The following CAST variants were observed in gnomAD, a reference collection of about 807,000 sequenced individuals.
The protein encoded by CAST is calpastatin, also known as MIR583 host.
A neutral mutation model predicts 119.6 loss-of-function variants in CAST; 76 were observed. The observed-to-expected ratio is 0.64, with a 90% confidence interval of 0.53 to 0.77. CAST has a LOEUF of 0.77. Among genes scored for constraint, CAST ranks in the 30% least tolerant of loss-of-function variants. The probability of loss-of-function intolerance (pLI) is 0.00; values close to 1 mark genes in which losing one functional copy is unlikely to be tolerated. For synonymous variants in CAST, 319 were observed against 331.6 expected (o/e 0.96, Z 0.41); for missense variants, 953 against 946.5 (o/e 1.01, Z -0.09).
chr5:96,119,229 A>G, the CAST span, among the ~76,000 whole-genome samples: 1 of 152,214 alleles, frequency 6.6e-6, no homozygotes, highest in Non-Finnish European at 1.5e-5. Flanking sequence ...AATGGAGACC[A>G]GAGAGGTCAC....
chr5:96,300,832 G>A, the CAST span, among the ~76,000 whole-genome samples: 27 of 102,754 alleles, frequency 2.6e-4, no homozygotes, highest in African/African-American at 1.0e-3. Flanking sequence ...TTATTCCTAA[G>A]CATTTTTTTT....
chr5:96,425,746 C>A, the CAST span: 6 of 802,860 alleles, frequency 7.5e-6, no homozygotes, highest in Admixed American at 2.0e-5. Flanking sequence ...AAAAAAAATC[C>A]ATGTTGCAAA....
the CAST span, among the ~76,000 whole-genome samples, chr5:96,471,739 A>G: frequency 1.4e-5 from 2 of 144,434 alleles, no homozygotes; most frequent in African/African-American, 2.8e-5. Flanking sequence ...TTTAATTATT[A>G]AGAAGTTATT....
At chr5:96,207,788 T>A in the CAST span, among the ~76,000 whole-genome samples, 1 of 152,124 alleles carries the variant, frequency 6.6e-6, no homozygotes, top group African/African-American at 2.4e-5. Flanking sequence ...CAGGTTTTGG[T>A]ATCAGGATAA....
At chr5:96,562,620 T>C (rs1746401670) in intron 1 of CAST, among the ~76,000 whole-genome samples, 1 of 152,232 alleles carries the variant, frequency 6.6e-6, no homozygotes, top group Non-Finnish European at 1.5e-5. Flanking sequence ...ACTCAGCACT[T>C]GCACATCTAT....
At chr5:96,663,097 G>C in intron 1 of CAST, 1 of 702,330 alleles carries the variant, frequency 1.4e-6, no homozygotes, top group African/African-American at 1.7e-5. Flanking sequence ...GCCCTCGCCG[G>C]CTCCCCCGCC....
intron 1 of CAST, among the ~76,000 whole-genome samples, chr5:96,568,339 C>G (rs1297107684): frequency 1.3e-5 from 2 of 152,006 alleles, no homozygotes; most frequent in Admixed American, 1.3e-4. Flanking sequence ...CCGAAGCAGG[C>G]AGATCACTTG....
the CAST span, among the ~76,000 whole-genome samples, chr5:96,337,098 A>C: frequency 1.3e-5 from 2 of 152,218 alleles, no homozygotes; most frequent in Non-Finnish European, 2.9e-5. Context: ...AAATGGATGA[A>C]TTTAACCCTG....
chr5:96,076,927 A>G, the CAST span, among the ~76,000 whole-genome samples: 1 of 151,510 alleles, frequency 6.6e-6, no homozygotes, highest in East Asian at 1.9e-4. Flanking sequence ...TTTGCATAAT[A>G]GTTTCTAATT....
the CAST span, among the ~76,000 whole-genome samples, chr5:96,041,404 A>G: frequency 6.6e-6 from 1 of 152,142 alleles, no homozygotes; most frequent in Non-Finnish European, 1.5e-5. Flanking sequence ...CAAGGTTATT[A>G]AAAACAAAGA....
the CAST span, among the ~76,000 whole-genome samples, chr5:96,064,475 A>ATAGGTTCAACAGCTATCTGTTG: frequency 6.6e-5 from 10 of 151,970 alleles, no homozygotes; most frequent in African/African-American, 2.4e-4. Flanking sequence ...AAAAGTATGT[A>ATAGGTTCAACAGCTATCTGTTG]ATTGCAGCCC....
intron 29 of CAST, 65 bp from the exon 30 acceptor site, chr5:96,770,466 C>T: frequency 1.0e-6 from 1 of 956,112 alleles, no homozygotes; most frequent in Non-Finnish European, 1.7e-6. Flanking sequence ...AATTTAACTG[C>T]AGCCTAGTTA....
the CAST span, among the ~76,000 whole-genome samples, chr5:95,977,671 T>C: frequency 2.6e-5 from 4 of 152,254 alleles, no homozygotes; most frequent in East Asian, 7.7e-4. Context: ...TTTTTTAAGT[T>C]CAGGGGTACA....
At chr5:96,666,041 T>C (rs1749293358) in intron 1 of CAST, among the ~76,000 whole-genome samples, 1 of 152,208 alleles carries the variant, frequency 6.6e-6, no homozygotes. Flanking sequence ...TTAAAATATC[T>C]TTGTGGAATC....
intron 1 of CAST, among the ~76,000 whole-genome samples, chr5:96,585,835 C>G (rs910330582): frequency 6.6e-6 from 1 of 152,156 alleles, no homozygotes; most frequent in Admixed American, 6.5e-5. Flanking sequence ...GATATAGAGA[C>G]GTGCAGGACA....
intron 1 of CAST, among the ~76,000 whole-genome samples, chr5:96,561,796 G>GTTTTTGTTTTTTTTTT (rs1746370693): frequency 3.7e-4 from 36 of 97,394 alleles, no homozygotes; most frequent in African/African-American, 1.3e-3. Flanking sequence ...GTTTTTTTTT[G>GTTTTTGTTTTTTTTTT]TTTTTTTTTT....
intron 1 of CAST, among the ~76,000 whole-genome samples, chr5:96,540,257 T>C (rs558016998): frequency 6.6e-6 from 1 of 152,218 alleles, no homozygotes; most frequent in South Asian, 2.1e-4. Flanking sequence ...CGTATTGCTT[T>C]TCATTTATTT....
intron 1 of CAST, among the ~76,000 whole-genome samples, chr5:96,646,182 G>C (rs970408019): frequency 6.6e-6 from 1 of 152,154 alleles, no homozygotes; most frequent in African/African-American, 2.4e-5. Flanking sequence ...TTGAACTGGT[G>C]CAAAAATTTT....
At chr5:96,474,349 T>G in the CAST span, among the ~76,000 whole-genome samples, 2 of 151,776 alleles carry the variant, frequency 1.3e-5, no homozygotes, top group Non-Finnish European at 2.9e-5. Context: ...CCCAGGAACT[T>G]TCCTGCCCTA....
Sources: gnomAD v4.1 joint callset for allele counts (sites outside exome capture counted in the v4.1 genomes callset) on GRCh38, gnomAD v4.1.1 for gene constraint, MANE v1.5 for transcripts, NCBI Gene and HGNC (gene_info 2026-07-23, HGNC 2026-07-21) for gene names.